NFIB: variants seen among roughly 807,000 people sequenced by gnomAD.
NFIB encodes the protein nuclear factor I B, also known as nuclear factor 1 B-type.
Under a neutral mutation model 61.5 loss-of-function variants are expected in NFIB, and 11 were observed. That is an observed-to-expected ratio of 0.18 (90% CI 0.11 to 0.30). NFIB has a LOEUF of 0.30. NFIB is among the 10% of genes least tolerant of loss of function. The probability of loss-of-function intolerance (pLI) is 1.00; values close to 1 mark genes in which losing one functional copy is unlikely to be tolerated. For synonymous variants in NFIB, 260 were observed against 216.5 expected (o/e 1.20, Z -1.76); for missense variants, 471 against 608.9 (o/e 0.77, Z 2.38).
At chr9:14,364,054 T>C (rs1295393125) in intron 1 of NFIB, among the ~76,000 whole-genome samples, 1 of 152,190 alleles carries the variant, frequency 6.6e-6, no homozygotes, top group Non-Finnish European at 1.5e-5. Context: ...GTAGAGTCTT[T>C]CTCTACAGTG....
exon 1 of NFIB, chr9:14,398,562 T>C (rs114558598): frequency 1.3e-6 from 2 of 1,535,216 alleles, no homozygotes; most frequent in African/African-American, 2.7e-5. Context: ...CTTTTAGGAA[T>C]CCCAGGGTTA....
chr9:14,150,024 T>C (rs2042687866), intron 5 of NFIB, 121 bp downstream of exon 5: 2 of 1,375,934 alleles, frequency 1.5e-6, no homozygotes, highest in East Asian at 4.7e-5. Context: ...AAAATCTGTG[T>C]ACTACCAGCA....
At chr9:14,231,487 C>T (rs2053190180) in intron 2 of NFIB, among the ~76,000 whole-genome samples, 1 of 151,946 alleles carries the variant, frequency 6.6e-6, no homozygotes, top group African/African-American at 2.4e-5. Context: ...TTATGCAATC[C>T]CGGGTACCAG....
At chr9:14,405,177 C>T in the NFIB span, among the ~76,000 whole-genome samples, 1 of 152,156 alleles carries the variant, frequency 6.6e-6, no homozygotes, top group Non-Finnish European at 1.5e-5. Flanking sequence ...TGGTGATGCC[C>T]AGTCTAACCT....
At chr9:14,127,513 T>C (rs1334618105) in intron 6 of NFIB, among the ~76,000 whole-genome samples, 1 of 152,190 alleles carries the variant, frequency 6.6e-6, no homozygotes, top group Non-Finnish European at 1.5e-5. Context: ...CCAGATATCA[T>C]ATAACTTTGC....
the NFIB span, among the ~76,000 whole-genome samples, chr9:14,481,881 A>C: frequency 2.0e-5 from 3 of 152,018 alleles, no homozygotes; most frequent in Non-Finnish European, 2.9e-5. Context: ...CTCTTTCCCC[A>C]GTTCTGACAC....
At chr9:14,163,099 G>T (rs10961397) in intron 3 of NFIB, among the ~76,000 whole-genome samples, 6,521 of 152,018 alleles carry the variant, frequency 0.043, 390 homozygotes, top group African/African-American at 0.14. Context: ...CTACCTATGA[G>T]TAGATGCAAA....
At chr9:14,204,225 T>C in intron 2 of NFIB, 1 of 560,100 alleles carries the variant, frequency 1.8e-6, no homozygotes, top group Non-Finnish European at 3.1e-6. Flanking sequence ...TGATCTCTCT[T>C]TTCCCGCCGT....
rs147390462 is a variant in NFIB, at chr9:14,195,490, T to C, written c.563-15710A>G. On this transcript the variant is annotated intron_variant, in intron 2 of 10. Coordinates refer to ENST00000380953, the MANE Select transcript of NFIB (RefSeq NM_001190737.2). Reference sequence around the variant, plus strand: ...AAATAATCTCAAAGAAAATGATAAATTCTAATTTTTATTTGAAAGTATAAA... The same window carrying C: ...AAATAATCTCAAAGAAAATGATAAACTCTAATTTTTATTTGAAAGTATAAA... 1.1e-4 allele frequency among the ~76,000 whole-genome samples: 16 copies of C among 152,364 alleles called. No homozygotes were observed. In the East Asian group the frequency reaches 2.9e-3, roughly 28 times the overall value.
intron 1 of NFIB, among the ~76,000 whole-genome samples, chr9:14,319,350 A>T (rs1330528642): frequency 2.6e-5 from 4 of 152,226 alleles, no homozygotes; most frequent in Non-Finnish European, 5.9e-5. Flanking sequence ...ATCAACAGAG[A>T]TTCCCAACAC....
intron 6 of NFIB, among the ~76,000 whole-genome samples, chr9:14,146,348 A>T (rs375006152): frequency 5.9e-5 from 9 of 152,258 alleles, no homozygotes; most frequent in East Asian, 3.9e-4. Flanking sequence ...CGCTCCATAG[A>T]GAGGAGCAGG....
chr9:14,179,385 C>A (rs2046509339), intron 3 of NFIB, among the ~76,000 whole-genome samples: 1 of 151,966 alleles, frequency 6.6e-6, no homozygotes, highest in Admixed American at 6.6e-5. Context: ...GAAATTTTTA[C>A]ATTTTCTTAT....
intron 1 of NFIB, among the ~76,000 whole-genome samples, chr9:14,375,665 A>T (rs1048843178): frequency 1.3e-5 from 2 of 152,144 alleles, no homozygotes; most frequent in African/African-American, 4.8e-5. Flanking sequence ...ATCTCAAAAA[A>T]AAAAAAGAAA....
rs149254849 is a variant in NFIB at position 14,157,119 on chromosome 9, T to C, written c.617-1226A>G. Among the ~76,000 whole-genome samples the C allele has an allele frequency of 3.0e-4, 45 of 152,144 alleles. No homozygotes were observed. The East Asian group carries it at 7.7e-3, about 26-fold the overall frequency. The stretch of plus-strand genomic sequence containing the variant: ...AATAAAAATCACCTATCTTATAGAG[T>C]TGTTACTACTGGAGATAAAAATATA... On this transcript the variant is annotated intron_variant, in intron 3 of 10. Transcript: ENST00000380953.
chr9:14,398,898 T>A, exon 1 of NFIB: 1 of 357,454 alleles, frequency 2.8e-6, no homozygotes, highest in East Asian at 4.8e-5. Flanking sequence ...CATGTGAATC[T>A]TTTAGATCGG....
At chr9:14,218,698 G>C (rs2051248236) in intron 2 of NFIB, among the ~76,000 whole-genome samples, 1 of 152,150 alleles carries the variant, frequency 6.6e-6, no homozygotes, top group Non-Finnish European at 1.5e-5. Flanking sequence ...TTGGGGGTTT[G>C]GCATCTGAAA....
chr9:14,443,740 T>C, the NFIB span, among the ~76,000 whole-genome samples: 1 of 152,198 alleles, frequency 6.6e-6, no homozygotes, highest in Non-Finnish European at 1.5e-5. Flanking sequence ...AAGTTATCAT[T>C]CTAAAATATA....
chr9:14,369,940 T>C (rs1354515316), intron 1 of NFIB, among the ~76,000 whole-genome samples: 1 of 152,194 alleles, frequency 6.6e-6, no homozygotes, highest in African/African-American at 2.4e-5. Flanking sequence ...TTGGGGGCTA[T>C]CTCTTTACCC....
At chr9:14,324,011 C>CA (rs749926847) in intron 1 of NFIB, among the ~76,000 whole-genome samples, 11 of 152,150 alleles carry the variant, frequency 7.2e-5, no homozygotes, top group Admixed American at 5.2e-4. Flanking sequence ...ATTTCTCCTC[C>CA]AAAAAAATTA....
Sources: allele counts gnomAD v4.1 joint callset (sites outside exome capture counted in the v4.1 genomes callset), GRCh38; gene constraint gnomAD v4.1.1; transcripts MANE v1.5; gene names NCBI Gene and HGNC (gene_info 2026-07-23, HGNC 2026-07-21).